The following ORC5 variants were observed in gnomAD, a reference collection of about 807,000 sequenced individuals.
ORC5 encodes the protein origin recognition complex subunit 5, also known as protein phosphatase 1, regulatory subunit 117.
In ORC5, 39 loss-of-function variants were observed where a neutral mutation model predicts 58.8. The ratio of observed to expected loss-of-function variants is 0.66; its 90% CI spans 0.51 to 0.87. The LOEUF (loss-of-function observed/expected upper bound fraction) is 0.87, where lower values mean the gene tolerates loss of function less well. Ranked by LOEUF, ORC5 falls within the 40% of genes least tolerant of loss-of-function variation. The pLI, the probability that ORC5 is intolerant of heterozygous loss-of-function variation, is 0.00. For synonymous variants in ORC5, 218 were observed against 177.6 expected (o/e 1.23, Z -1.81); for missense variants, 493 against 506.3 (o/e 0.97, Z 0.25).
At chr7:104,153,391 G>A (rs11773168) in intron 12 of ORC5, among the ~76,000 whole-genome samples, 87,578 of 151,908 alleles carry the variant, frequency 0.58, 29,107 homozygotes, top group Non-Finnish European at 0.76. Context: ...GAAAAGAGCC[G>A]GCCTCTATTA....
chr7:104,205,084 C>CTTTTTTT lies in ORC5; in HGVS notation c.73-851_73-850insAAAAAAA, dbSNP rs769195880. 2.2e-3 allele frequency among the ~76,000 whole-genome samples: 226 copies of CTTTTTTT among 102,348 alleles called. 17 individuals carry two copies. Among genetic ancestry groups the CTTTTTTT allele is most frequent in the African/African-American group, 7.1e-3 (208 of 29,300 alleles). 67.1% of individuals were successfully genotyped at this position (102,348 alleles called of 152,430 possible). ...GGGAAAACTTGATTTTTTAATAATA[C>CTTTTTTT]TCTTTTTTTTTTTTTTTTTTTTTGA... On this transcript the variant is annotated intron_variant, in intron 1 of 13. Coordinates refer to ENST00000297431, the MANE Select transcript of ORC5 (RefSeq NM_002553.4).
intron 2 of ORC5, among the ~76,000 whole-genome samples, chr7:104,203,482 T>C (rs1799996317): frequency 1.3e-5 from 2 of 152,228 alleles, no homozygotes; most frequent in South Asian, 2.1e-4. Context: ...TCATCAATAA[T>C]AGCAGCTAAC....
chr7:104,191,017 CA>C (rs913351517), intron 5 of ORC5, among the ~76,000 whole-genome samples: 1 of 138,620 alleles, frequency 7.2e-6, no homozygotes, highest in African/African-American at 2.7e-5. Context: ...CAGAAGTTGA[CA>C]AAAAAAATTT....
rs767607104 is a variant in ORC5 at position 104,136,878 on chromosome 7, T to TC, written c.1164dup (p.Thr389AspfsTer11). 5 of 1,612,198 alleles carry TC rather than the reference T, an allele frequency of 3.1e-6. No individual in the cohort carries two copies. In the Admixed American group the frequency reaches 8.3e-5, roughly 27 times the overall value. On this transcript the variant is annotated frameshift_variant, in exon 13 of 14. Transcript: ENST00000297431. LOFTEE classifies it high-confidence loss of function. The surrounding 1 kb of genome is among the most constrained non-coding windows in gnomAD (Gnocchi z 4.2). ...CCAACCAGGGTTAACAGCTGAAGGG[T>TC]CACTAGAGAGGTAATCTAAAAGAGA...
At position 104,188,786 on chromosome 7, in the gene ORC5, G is replaced by C. The variant is rs114311054; in HGVS notation, c.554-405C>G. ...TCAGTGGAGGAGGGGCCTCGTGGGA[G>C]GTGATTGAATCATGAGGCAGACTTC... On this transcript the variant is annotated intron_variant, in intron 5 of 13. Transcript: ENST00000297431. Among the ~76,000 whole-genome samples, 1,470 of 152,196 alleles carry C rather than the reference G, an allele frequency of 9.7e-3. 25 individuals are homozygous for C. Among genetic ancestry groups the C allele is most frequent in the African/African-American group, 0.034 (1,404 of 41,526 alleles).
intron 2 of ORC5, chr7:104,202,603 T>C: frequency 2.3e-6 from 1 of 434,156 alleles, no homozygotes; most frequent in Non-Finnish European, 4.6e-6. Flanking sequence ...CAGCAGAAAC[T>C]ACAGTGTGAT....
intron 12 of ORC5, among the ~76,000 whole-genome samples, chr7:104,141,823 C>T (rs944417130): frequency 7.9e-5 from 12 of 151,992 alleles, no homozygotes; most frequent in East Asian, 5.8e-4. Flanking sequence ...AAATTCAAGA[C>T]GACACAAATA....
At chr7:104,132,428 T>G (rs923269939) in intron 13 of ORC5, among the ~76,000 whole-genome samples, 4 of 152,174 alleles carry the variant, frequency 2.6e-5, no homozygotes, top group Non-Finnish European at 4.4e-5. Flanking sequence ...CCCTATTATC[T>G]CATTTGTTCT....
At chr7:104,154,031 T>C (rs111687826) in intron 12 of ORC5, among the ~76,000 whole-genome samples, 2,349 of 152,196 alleles carry the variant, frequency 0.015, 58 homozygotes, top group African/African-American at 0.052. Flanking sequence ...TAAAAATCTA[T>C]AAAAGCAGTT....
At chr7:104,137,840 C>A (rs965043674) in intron 12 of ORC5, among the ~76,000 whole-genome samples, 1 of 152,182 alleles carries the variant, frequency 6.6e-6, no homozygotes. Context: ...ACTCATTTTC[C>A]AAGCCCACAT....
At chr7:104,169,540 C>G (rs1287825836) in intron 8 of ORC5, among the ~76,000 whole-genome samples, 2 of 151,890 alleles carry the variant, frequency 1.3e-5, no homozygotes, top group East Asian at 3.9e-4. Flanking sequence ...CAGTTTGATG[C>G]AAAGGTGCTC....
rs375888120 is a variant in ORC5 at position 104,178,408 on chromosome 7, GTTGT to G, written c.824+5531_824+5534del. ...TATCCTTTGCCCACTTTTTGATGGG[GTTGT>G]TTTTTTCTTGTAAGTTTGTTAAAGT... On this transcript the variant is annotated intron_variant, in intron 8 of 13. Coordinates refer to ENST00000297431, the MANE Select transcript of ORC5 (RefSeq NM_002553.4). Among the ~76,000 whole-genome samples the G allele has an allele frequency of 6.6e-4, 101 of 152,086 alleles. No homozygotes were observed. In the East Asian group the frequency reaches 0.019, roughly 28 times the overall value.
intron 4 of ORC5, among the ~76,000 whole-genome samples, chr7:104,195,979 A>G (rs1312017920): frequency 6.6e-6 from 1 of 151,516 alleles, no homozygotes; most frequent in East Asian, 1.9e-4. Flanking sequence ...AATACTTAAC[A>G]TAAAAAAATG....
chr7:104,191,526 A>C (rs1281206019), intron 5 of ORC5, among the ~76,000 whole-genome samples: 1 of 151,980 alleles, frequency 6.6e-6, no homozygotes, highest in African/African-American at 2.4e-5. Context: ...GTATCCCATA[A>C]GACAGTTGAT....
At chr7:104,153,025 A>C (rs1156934279) in intron 12 of ORC5, among the ~76,000 whole-genome samples, 1 of 152,202 alleles carries the variant, frequency 6.6e-6, no homozygotes, top group East Asian at 1.9e-4. Flanking sequence ...GAAGATAAGA[A>C]AATAGCAGGG....
intron 12 of ORC5, among the ~76,000 whole-genome samples, chr7:104,154,088 T>C (rs1798886585): frequency 6.6e-6 from 1 of 152,126 alleles, no homozygotes; most frequent in Admixed American, 6.6e-5. Context: ...TTTTCCATTA[T>C]GAAGTATTTC....
chr7:104,151,826 T>C (rs1170003895), intron 12 of ORC5, among the ~76,000 whole-genome samples: 1 of 152,196 alleles, frequency 6.6e-6, no homozygotes, highest in East Asian at 1.9e-4. Flanking sequence ...GTAAATCTAG[T>C]TCCCTTTCTT....
chr7:104,201,762 G>C (rs923561489), intron 2 of ORC5, among the ~76,000 whole-genome samples: 2 of 150,246 alleles, frequency 1.3e-5, no homozygotes, highest in African/African-American at 2.4e-5. Flanking sequence ...AGAATTTTAA[G>C]AGTTAGAAAC....
chr7:104,174,148 A>C (rs1031469938), intron 8 of ORC5, among the ~76,000 whole-genome samples: 7 of 151,678 alleles, frequency 4.6e-5, no homozygotes, highest in African/African-American at 1.2e-4. Flanking sequence ...CCGGCCGTAA[A>C]ATTTTTGTGA....
Sources: gnomAD v4.1 joint callset for allele counts (sites outside exome capture counted in the v4.1 genomes callset) on GRCh38, gnomAD v4.1.1 for gene constraint, Gnocchi (gnomAD v3.1) non-coding constraint, MANE v1.5 for transcripts, NCBI Gene and HGNC (gene_info 2026-07-23, HGNC 2026-07-21) for gene names.